Variants in MUSK observed in about 807,000 individuals in gnomAD.
MUSK encodes the protein muscle, skeletal receptor tyrosine-protein kinase.
In MUSK, 55 loss-of-function variants were observed where a neutral mutation model predicts 88.7. That is an observed-to-expected ratio of 0.62 (90% CI 0.50 to 0.78). The LOEUF (loss-of-function observed/expected upper bound fraction) is 0.78. Ranked by LOEUF, MUSK falls within the 30% of genes least tolerant of loss-of-function variation. The pLI is 0.00. For synonymous variants in MUSK, 387 were observed against 391.9 expected (o/e 0.99, Z 0.15); for missense variants, 1,015 against 1,074.3 (o/e 0.94, Z 0.77).
chr9:110,771,161 C>CTTT (rs34185224), intron 9 of MUSK, among the ~76,000 whole-genome samples: 4,676 of 96,424 alleles, frequency 0.048, 534 homozygotes, highest in African/African-American at 0.16. Context: ...TCATTTCCTT[C>CTTT]TTTTTTTTTT....
intron 7 of MUSK, among the ~76,000 whole-genome samples, chr9:110,760,988 A>G (rs2077389896): frequency 2.0e-5 from 3 of 152,216 alleles, no homozygotes; most frequent in Non-Finnish European, 2.9e-5. Context: ...CATTAGGAGA[A>G]ATTTTAATAT....
chr9:110,776,785 C>A, intron 11 of MUSK, 130 bp downstream of exon 11: 1 of 752,740 alleles, frequency 1.3e-6, no homozygotes, highest in Non-Finnish European at 2.1e-6. Flanking sequence ...TCTCACCATA[C>A]TCATCCAGGG....
At chr9:110,743,240 G>A (rs963062319) in intron 6 of MUSK, among the ~76,000 whole-genome samples, 1 of 152,136 alleles carries the variant, frequency 6.6e-6, no homozygotes, top group African/African-American at 2.4e-5. Flanking sequence ...GAGCCAAAGA[G>A]CAGGAGAAAG....
chr9:110,680,294 T>C (rs1243256174), intron 1 of MUSK, among the ~76,000 whole-genome samples: 1 of 152,196 alleles, frequency 6.6e-6, no homozygotes, highest in Non-Finnish European at 1.5e-5. Flanking sequence ...ATTAAACTTT[T>C]TCTTTCTGGT....
chr9:110,676,357 T>C (rs13297555), intron 1 of MUSK, among the ~76,000 whole-genome samples: 1 of 114,824 alleles, frequency 8.7e-6, no homozygotes, highest in Non-Finnish European at 2.0e-5. Flanking sequence ...TATTATATAT[T>C]ATATATTATA....
At chr9:110,739,348 A>G (rs1237686044) in intron 6 of MUSK, among the ~76,000 whole-genome samples, 1 of 152,168 alleles carries the variant, frequency 6.6e-6, no homozygotes, top group Admixed American at 6.6e-5. Flanking sequence ...GTGTGACAGC[A>G]TGCATGAAGT....
intron 5 of MUSK, among the ~76,000 whole-genome samples, chr9:110,713,399 A>G (rs2076702120): frequency 6.6e-6 from 1 of 151,732 alleles, no homozygotes; most frequent in East Asian, 1.9e-4. Context: ...AGCTAGGATT[A>G]CAGGCATGTG....
intron 1 of MUSK, among the ~76,000 whole-genome samples, chr9:110,673,378 T>C (rs986693559): frequency 3.9e-5 from 6 of 152,202 alleles, no homozygotes; most frequent in Non-Finnish European, 7.3e-5. Context: ...ATTTCTGGTC[T>C]GCAAGTGGAA....
intron 5 of MUSK, among the ~76,000 whole-genome samples, chr9:110,724,905 A>C (rs1174539651): frequency 6.6e-6 from 1 of 151,962 alleles, no homozygotes; most frequent in Non-Finnish European, 1.5e-5. Context: ...TGTTTGAAAG[A>C]GGTCAAAAGT....
intron 3 of MUSK, among the ~76,000 whole-genome samples, chr9:110,690,437 T>A (rs2076328014): frequency 1.4e-5 from 1 of 69,866 alleles, no homozygotes; most frequent in Non-Finnish European, 2.3e-5. Flanking sequence ...TATATTTCAA[T>A]ATAAGTATAT....
rs1415173754 is a variant in MUSK at position 110,762,978 on chromosome 9, A to G, written c.920+770A>G. Among the ~76,000 whole-genome samples, 7 of 152,192 alleles carry G rather than the reference A, an allele frequency of 4.6e-5. No homozygotes were observed. The South Asian group carries it at 1.2e-3, about 27-fold the overall frequency. Reference sequence around the variant, plus strand: ...CTGAGAATAGATTTTAAGTGTTCTCATCATCAGAAAATGGTAAGTATGTGA... The same window carrying G: ...CTGAGAATAGATTTTAAGTGTTCTCGTCATCAGAAAATGGTAAGTATGTGA... On this transcript the variant is annotated intron_variant, in intron 8 of 14. Transcript: ENST00000374448.
At chr9:110,690,530 G>A (rs1242404111) in intron 3 of MUSK, among the ~76,000 whole-genome samples, 25 of 37,500 alleles carry the variant, frequency 6.7e-4, no homozygotes, top group East Asian at 1.0e-3. Flanking sequence ...TTAAATATAA[G>A]TATATATATA....
intron 7 of MUSK, among the ~76,000 whole-genome samples, chr9:110,749,543 T>C (rs2077221934): frequency 6.6e-6 from 1 of 152,228 alleles, no homozygotes; most frequent in Non-Finnish European, 1.5e-5. Context: ...AGGTTTAGTA[T>C]ATTATTTCAT....
At chr9:110,766,941 G>A (rs112054918) in intron 8 of MUSK, among the ~76,000 whole-genome samples, 98 of 152,296 alleles carry the variant, frequency 6.4e-4, no homozygotes, top group African/African-American at 2.3e-3. Context: ...ATTATATTAA[G>A]GGAACAAGTA....
rs201273265 is a variant in MUSK, at chr9:110,687,221, G to A, written c.311G>A (p.Gly104Asp). 3 of 1,613,944 alleles carry A rather than the reference G, an allele frequency of 1.9e-6. No individual in the cohort carries two copies. The highest frequency in any genetic ancestry group is 1.7e-6 in the Non-Finnish European group (2 of 1,179,836). Residue 104 changes from glycine to aspartate, a missense_variant, in exon 3 of 15, where the codon GGT (glycine) becomes GAT (aspartate). Gly to Asp is a moderately conservative substitution (Grantham distance 94, BLOSUM62 -1). Transcript: ENST00000374448. The stretch of plus-strand genomic sequence containing the variant: ...ATTTACTGCTGCACGGCCAACAATG[G>A]TGTGGGAGGAGCTGTGGAGAGTTGT... Reference protein sequence around the residue: ...DGIYCCTANNGVGGAVESCGA... With the variant: ...DGIYCCTANNDVGGAVESCGA...
chr9:110,669,078 GC>G (rs2075924630), intron 1 of MUSK, 95 bp downstream of exon 1: 3 of 1,147,432 alleles, frequency 2.6e-6, no homozygotes, highest in African/African-American at 3.0e-5. Flanking sequence ...AGTATGGTGG[GC>G]TTGGGTTTTA....
At chr9:110,685,296 C>T (rs941536292) in intron 2 of MUSK, among the ~76,000 whole-genome samples, 1 of 151,808 alleles carries the variant, frequency 6.6e-6, no homozygotes, top group African/African-American at 2.4e-5. Flanking sequence ...TCCTTGTATC[C>T]CAGGGATAAG....
intron 6 of MUSK, among the ~76,000 whole-genome samples, chr9:110,743,252 C>T (rs1272436230): frequency 6.6e-6 from 1 of 152,160 alleles, no homozygotes; most frequent in Non-Finnish European, 1.5e-5. Flanking sequence ...AGGAGAAAGT[C>T]CAGCAACGTG....
intron 3 of MUSK, among the ~76,000 whole-genome samples, chr9:110,694,776 A>T (rs1242034239): frequency 3.9e-5 from 6 of 152,228 alleles, no homozygotes; most frequent in African/African-American, 1.4e-4. Context: ...GAGAATAAAA[A>T]TTAACTGGCA....
Sources: gnomAD v4.1 joint callset for allele counts (sites outside exome capture counted in the v4.1 genomes callset) on GRCh38, gnomAD v4.1.1 for gene constraint, MANE v1.5 for transcripts, NCBI Gene and HGNC (gene_info 2026-07-23, HGNC 2026-07-21) for gene names.